The following CEP57 variants were observed in gnomAD, a reference collection of about 807,000 sequenced individuals.
CEP57 encodes centrosomal protein 57, also known as centrosomal protein of 57 kDa.
Under a neutral mutation model 68.0 loss-of-function variants are expected in CEP57, and 40 were observed. The observed-to-expected ratio is 0.59, with a 90% confidence interval of 0.46 to 0.77. The LOEUF (loss-of-function observed/expected upper bound fraction) is 0.77. Ranked by LOEUF, CEP57 falls within the 30% of genes least tolerant of loss-of-function variation. The pLI is 0.00. For missense variants in CEP57, 606 were observed against 580.7 expected, an observed-to-expected ratio of 1.04 and a Z score of -0.45; for synonymous variants, 219 against 198.7, an observed-to-expected ratio of 1.10 and a Z score of -0.86.
chr11:95,826,066 T>G (rs976699519), intron 8 of CEP57: 5 of 152,330 alleles, frequency 3.3e-5, no homozygotes, highest in Middle Eastern at 3.4e-3. Context: ...TCTGTAAAGT[T>G]ACACAGAATG....
chr11:95,827,683 T>TAC, intron 8 of CEP57, 103 bp from the exon 9 acceptor site: 1 of 1,298,554 alleles, frequency 7.7e-7, no homozygotes, highest in South Asian at 1.2e-5. Flanking sequence ...TTATATACTC[T>TAC]ACTTTAGGGG....
Position 95,821,855 on chromosome 11 carries a change from C to T in CEP57, c.700-16C>T, listed in dbSNP as rs765028167. 8.5e-6 allele frequency: 13 copies of T among 1,525,858 alleles called. No individual in the cohort carries two copies. The South Asian group carries it at 1.5e-4, about 17-fold the overall frequency. 94.5% of individuals were successfully genotyped at this position (1,525,858 alleles called of 1,614,324 possible). ...TTATTTCTACAGCATTAACTTGAGG[C>T]TCTCATTTTTCCTAGTTGCAGACTG... On this transcript the variant is annotated splice_polypyrimidine_tract_variant and intron_variant, in intron 6 of 10. Coordinates refer to ENST00000325542, the MANE Select transcript of CEP57 (RefSeq NM_014679.5).
At chr11:95,809,651 A>C (rs1352433359) in intron 2 of CEP57, among the ~76,000 whole-genome samples, 1 of 152,218 alleles carries the variant, frequency 6.6e-6, no homozygotes, top group African/African-American at 2.4e-5. Flanking sequence ...CAAAACCAGG[A>C]AGAAGTTGAA....
rs370861671 is a variant in CEP57, at chr11:95,829,206, A to C, written c.1147A>C (p.Lys383Gln). Residue 383 changes from lysine (K) to glutamine (Q), a missense_variant, in exon 10 of 11, where the codon AAA becomes CAA. Physicochemically the swap from Lys to Gln is moderately conservative, Grantham distance 53 (BLOSUM62 1). Transcript: ENST00000325542. The part of the protein sequence containing the change: ...QMSFDHQQLA[K>Q]LIQESPTVEL... ...ATATAGTGATCACCAGCAGCTTGCA[A>C]AACTTATCCAGGAGTCGCCAACCGT... 11 of 1,613,906 alleles carry C rather than the reference A, an allele frequency of 6.8e-6. No homozygotes were observed. The highest frequency in any genetic ancestry group is 5.5e-5 in the South Asian group (5 of 91,078).
At chr11:95,808,071 T>C (rs1861889063) in intron 2 of CEP57, among the ~76,000 whole-genome samples, 1 of 152,070 alleles carries the variant, frequency 6.6e-6, no homozygotes, top group Admixed American at 6.5e-5. Flanking sequence ...TTCAACATTC[T>C]TAAAGAAAAG....
chr11:95,811,518 A>G (rs1054853672), intron 2 of CEP57, among the ~76,000 whole-genome samples: 1 of 151,804 alleles, frequency 6.6e-6, no homozygotes, highest in Non-Finnish European at 1.5e-5. Context: ...AACATGGCAC[A>G]TGTATACATA....
chr11:95,790,174 G>C (rs1860940838), upstream of CEP57: 1 of 172,382 alleles, frequency 5.8e-6, no homozygotes, highest in South Asian at 1.2e-4. Context: ...GCGTCCCCGA[G>C]GCAAATTCAC....
intron 8 of CEP57, chr11:95,825,996 C>T (rs1027355799): frequency 3.9e-5 from 6 of 152,142 alleles, no homozygotes; most frequent in Non-Finnish European, 8.8e-5. Context: ...ATTGGTATCT[C>T]ATAGAAACAT....
chr11:95,807,880 T>C (rs1050699980), intron 2 of CEP57, among the ~76,000 whole-genome samples: 1 of 152,092 alleles, frequency 6.6e-6, no homozygotes, highest in African/African-American at 2.4e-5. Flanking sequence ...GCCACAAAGA[T>C]ACTCCTCAAG....
intron 9 of CEP57, 137 bp from the exon 10 acceptor site, chr11:95,829,050 A>T: frequency 1.0e-6 from 1 of 959,982 alleles, no homozygotes; most frequent in East Asian, 2.5e-5. Context: ...TCAAAAAAAA[A>T]AAAAAAATTT....
intron 4 of CEP57, among the ~76,000 whole-genome samples, chr11:95,815,957 C>T (rs923578163): frequency 6.6e-6 from 1 of 152,168 alleles, no homozygotes; most frequent in African/African-American, 2.4e-5. Context: ...AGTATCCTTT[C>T]ATTTGCTTTT....
At chr11:95,812,695 C>T (rs1862120523) in intron 2 of CEP57, among the ~76,000 whole-genome samples, 1 of 152,182 alleles carries the variant, frequency 6.6e-6, no homozygotes, top group African/African-American at 2.4e-5. Flanking sequence ...CCACCTCAGC[C>T]TCCCAAAGTG....
chr11:95,799,924 C>T (rs1263721636), intron 2 of CEP57, among the ~76,000 whole-genome samples: 1 of 152,176 alleles, frequency 6.6e-6, no homozygotes, highest in African/African-American at 2.4e-5. Context: ...ACCCTATATG[C>T]CTCACCAGCT....
chr11:95,811,534 C>T (rs1377307372), intron 2 of CEP57, among the ~76,000 whole-genome samples: 1 of 147,382 alleles, frequency 6.8e-6, no homozygotes, highest in Non-Finnish European at 1.5e-5. Context: ...ACATATGTAA[C>T]AAACCTGCAC....
At chr11:95,792,854 G>A (rs1376777405) in intron 1 of CEP57, among the ~76,000 whole-genome samples, 1 of 151,588 alleles carries the variant, frequency 6.6e-6, no homozygotes, top group Non-Finnish European at 1.5e-5. Context: ...AAATAAGGCT[G>A]CCATTTCCAA....
chr11:95,802,015 A>G (rs1274867252), intron 2 of CEP57, among the ~76,000 whole-genome samples: 2 of 152,162 alleles, frequency 1.3e-5, no homozygotes, highest in Non-Finnish European at 2.9e-5. Context: ...AGAAATCACT[A>G]TCCCCTTCTC....
At position 95,795,327 on chromosome 11, in the gene CEP57, T is replaced by C. The variant is rs866584248; in HGVS notation, c.46-3905T>C. Among the ~76,000 whole-genome samples, 10 of 152,290 alleles carry C rather than the reference T, an allele frequency of 6.6e-5. No individual in the cohort carries two copies. In the Middle Eastern group the frequency reaches 0.01, roughly 155 times the overall value. ...ATTTCTAGTTTTTAATTGTGTGATA[T>C]ATATTTTCATAAGTTGCATTTTCTA... On this transcript the variant is annotated intron_variant, in intron 1 of 10. Transcript: ENST00000325542.
At chr11:95,829,080 G>A in intron 9 of CEP57, 107 bp from the exon 10 acceptor site, 1 of 1,165,268 alleles carries the variant, frequency 8.6e-7, no homozygotes, top group South Asian at 1.3e-5. Flanking sequence ...TTCAAAAAAT[G>A]GAGTCATTTT....
At chr11:95,829,048 A>G in intron 9 of CEP57, 139 bp from the exon 10 acceptor site, 2 of 946,700 alleles carry the variant, frequency 2.1e-6, no homozygotes, top group Admixed American at 2.2e-5. Context: ...TCTCAAAAAA[A>G]AAAAAAAAAT....
Sources: gnomAD v4.1 joint callset for allele counts (sites outside exome capture counted in the v4.1 genomes callset) on GRCh38, gnomAD v4.1.1 for gene constraint, MANE v1.5 for transcripts, NCBI Gene and HGNC (gene_info 2026-07-23, HGNC 2026-07-21) for gene names.